Variants in RALYL observed in about 807,000 individuals in gnomAD.
RALYL encodes the protein RNA-binding Raly-like protein.
In RALYL, 29 loss-of-function variants were observed where a neutral mutation model predicts 35.1. That is an observed-to-expected ratio of 0.83 (90% confidence interval 0.61 to 1.13). The LOEUF (loss-of-function observed/expected upper bound fraction) is 1.13. Ranked by LOEUF, RALYL falls within the 50% of genes most tolerant of loss-of-function variation. The pLI is 0.00. For missense variants in RALYL, 359 were observed against 360.4 expected (o/e 1.00, Z 0.03); for synonymous variants, 120 against 127.6 (o/e 0.94, Z 0.40).
chr8:84,633,663 T>A (rs552832263), intron 2 of RALYL, among the ~76,000 whole-genome samples: 1 of 152,020 alleles, frequency 6.6e-6, no homozygotes, highest in East Asian at 1.9e-4. Context: ...AAAGATTAAA[T>A]TACATATGAC....
rs780316979 is a variant in RALYL at position 84,732,668 on chromosome 8, T to TTATATATATATGTATATATATA, written c.257-41900_257-41899insGTATATATATATATATATATAT. Among the ~76,000 whole-genome samples, 252 of 132,466 alleles carry TTATATATATATGTATATATATA rather than the reference T, an allele frequency of 1.9e-3. 4 individuals carry two copies. Among genetic ancestry groups the TTATATATATATGTATATATATA allele is most frequent in the African/African-American group, 7.3e-3 (229 of 31,454 alleles). The allele number at this position is 132,466 out of a possible 152,430, so 86.9% of individuals were successfully genotyped here. A position where few individuals can be genotyped will look rare whatever the true frequency, so the allele number is the denominator to read the frequency against. Reference sequence around the variant, plus strand: ...TTTTATTATCATAATTATTAAATAATTATATATATATATATACACACACAC... The same window carrying TTATATATATATGTATATATATA: ...TTTTATTATCATAATTATTAAATAATTATATATATATGTATATATATATATATATATATATATACACACACAC... On this transcript the variant is annotated intron_variant, in intron 2 of 8. Transcript: ENST00000521268.
intron 2 of RALYL, among the ~76,000 whole-genome samples, chr8:84,644,294 C>A (rs751406512): frequency 2.0e-5 from 3 of 151,970 alleles, no homozygotes; most frequent in Non-Finnish European, 4.4e-5. Flanking sequence ...ATTCCCATTT[C>A]ACAGGTAACA....
intron 2 of RALYL, among the ~76,000 whole-genome samples, chr8:84,718,821 A>C (rs1438246151): frequency 6.6e-6 from 1 of 152,112 alleles, no homozygotes; most frequent in Non-Finnish European, 1.5e-5. Flanking sequence ...GACTTTTAAA[A>C]AGCAAGGCAT....
chr8:84,816,323 G>A (rs961553262), intron 4 of RALYL, among the ~76,000 whole-genome samples: 1 of 152,086 alleles, frequency 6.6e-6, no homozygotes, highest in African/African-American at 2.4e-5. Context: ...AGCACCAAAG[G>A]AAACTTTCCA....
chr8:84,397,432 G>T (rs2042450333), intron 1 of RALYL, among the ~76,000 whole-genome samples: 1 of 152,142 alleles, frequency 6.6e-6, no homozygotes, highest in South Asian at 2.1e-4. Flanking sequence ...AAAATGCCAG[G>T]TTTTTTCCCC....
At chr8:84,779,909 T>C (rs1817694513) in intron 3 of RALYL, among the ~76,000 whole-genome samples, 2 of 152,212 alleles carry the variant, frequency 1.3e-5, no homozygotes, top group African/African-American at 2.4e-5. Context: ...GAAATGAAAG[T>C]AATGTAAGCT....
chr8:84,758,827 A>G (rs913291303), intron 2 of RALYL, among the ~76,000 whole-genome samples: 3 of 152,234 alleles, frequency 2.0e-5, no homozygotes, highest in Non-Finnish European at 2.9e-5. Context: ...TACTTCTTGA[A>G]GGAAGGCTAT....
At chr8:84,668,641 T>C (rs999545025) in intron 2 of RALYL, among the ~76,000 whole-genome samples, 1 of 152,110 alleles carries the variant, frequency 6.6e-6, no homozygotes, top group Non-Finnish European at 1.5e-5. Flanking sequence ...TAGAGAGGCA[T>C]ATATTATGAG....
chr8:84,477,850 G>C (rs1298618512), intron 1 of RALYL, among the ~76,000 whole-genome samples: 1 of 151,872 alleles, frequency 6.6e-6, no homozygotes. Context: ...AGGAAGATAT[G>C]ACACCAGTCA....
chr8:84,908,776 G>T (rs971954831), intron 8 of RALYL, among the ~76,000 whole-genome samples: 3 of 151,908 alleles, frequency 2.0e-5, no homozygotes, highest in African/African-American at 7.3e-5. Flanking sequence ...CCCGGGAAAT[G>T]CAGAGCTCAA....
chr8:84,505,679 C>T (rs921439407), intron 1 of RALYL, among the ~76,000 whole-genome samples: 1 of 151,518 alleles, frequency 6.6e-6, no homozygotes, highest in Non-Finnish European at 1.5e-5. Flanking sequence ...GCATAGAACC[C>T]AATAGGTAGT....
chr8:84,342,272 C>T lies in RALYL; in HGVS notation c.-24+157848C>T, dbSNP rs1293840022. ...AACAGTGAGTGAGGGTACAGAGCAT[C>T]GTTCAATATATATATATATATATAA... On this transcript the variant is annotated intron_variant, in intron 1 of 8. Transcript: ENST00000521268. Among the ~76,000 whole-genome samples the T allele has an allele frequency of 7.5e-5, 4 of 53,484 alleles. 1 individual carries two copies. The highest frequency in any genetic ancestry group is 5.4e-4 in the Admixed American group (3 of 5,524). 35.1% of individuals were successfully genotyped at this position (53,484 alleles called of 152,430 possible).
At position 84,593,163 on chromosome 8, in the gene RALYL, C is replaced by A. The variant is rs532034197; in HGVS notation, c.256+63586C>A. ...TAGGGGTCCAAATTCATTCTTTCTG[C>A]TTGTATAGTCCCTTCTTCACCAACA... is the stretch of plus-strand genomic sequence containing the variant. On this transcript the variant is annotated intron_variant, in intron 2 of 8. Transcript: ENST00000521268. 4.6e-5 allele frequency among the ~76,000 whole-genome samples: 7 copies of A among 152,118 alleles called. No homozygotes were observed. The East Asian group carries it at 1.4e-3, about 29-fold the overall frequency.
intron 2 of RALYL, chr8:84,679,055 T>G (rs889638261): frequency 3.1e-6 from 1 of 320,000 alleles, no homozygotes; most frequent in Non-Finnish European, 6.3e-6. Context: ...AATAAGCAAA[T>G]GCTCCAGGGT....
At chr8:84,756,014 TTTAAC>T (rs1162220888) in intron 2 of RALYL, among the ~76,000 whole-genome samples, 1 of 152,122 alleles carries the variant, frequency 6.6e-6, no homozygotes, top group Non-Finnish European at 1.5e-5. Context: ...GAAAATGTGT[TTTAAC>T]TTATTGCCAT....
intron 1 of RALYL, among the ~76,000 whole-genome samples, chr8:84,348,408 C>A (rs1332747659): frequency 2.6e-5 from 4 of 152,148 alleles, no homozygotes; most frequent in East Asian, 1.9e-4. Flanking sequence ...ATTTCACTTA[C>A]CTTGCAAGAG....
intron 1 of RALYL, among the ~76,000 whole-genome samples, chr8:84,371,689 T>C (rs1052127072): frequency 6.6e-5 from 10 of 152,152 alleles, no homozygotes; most frequent in Middle Eastern, 3.4e-3. Context: ...TGTGCTGTGA[T>C]ATACACATCA....
chr8:84,804,711 A>G (rs1824182502), intron 3 of RALYL, 59 bp from the exon 4 acceptor site: 1 of 907,072 alleles, frequency 1.1e-6, no homozygotes, highest in South Asian at 2.8e-5. Context: ...ATGTAAAAGC[A>G]ATTTTTGAAT....
At chr8:84,711,717 A>G (rs1842218867) in intron 2 of RALYL, among the ~76,000 whole-genome samples, 1 of 152,176 alleles carries the variant, frequency 6.6e-6, no homozygotes, top group Non-Finnish European at 1.5e-5. Flanking sequence ...GATATTTTGT[A>G]ATTTTTAGAA....
Sources: allele counts gnomAD v4.1 joint callset (sites outside exome capture counted in the v4.1 genomes callset), GRCh38; gene constraint gnomAD v4.1.1; transcripts MANE v1.5; gene names NCBI Gene and HGNC (gene_info 2026-07-23, HGNC 2026-07-21).